Variants in TRIM33 observed in about 807,000 individuals in gnomAD.
The protein encoded by TRIM33 is E3 ubiquitin-protein ligase TRIM33.
TRIM33 carries 20 observed loss-of-function variants against 125.4 expected under a neutral mutation model. The ratio of observed to expected loss-of-function variants is 0.16; its 90% confidence interval spans 0.11 to 0.23. The LOEUF (loss-of-function observed/expected upper bound fraction) is 0.23. Ranked by LOEUF, TRIM33 falls within the 10% of genes least tolerant of loss-of-function variation. The pLI is 1.00. For synonymous variants in TRIM33, 564 were observed against 513.9 expected, an observed-to-expected ratio of 1.10 and a Z score of -1.32; for missense variants, 920 against 1,411.4, an observed-to-expected ratio of 0.65 and a Z score of 5.58.
At chr1:114,413,627 G>GTAA (rs1396177644) in intron 11 of TRIM33, among the ~76,000 whole-genome samples, 1 of 39,432 alleles carries the variant, frequency 2.5e-5, no homozygotes, top group Non-Finnish European at 4.8e-5. Flanking sequence ...AAGCAAAACT[G>GTAA]TAAAAAAAAA....
At chr1:114,480,478 A>C (rs1428461322) in intron 1 of TRIM33, among the ~76,000 whole-genome samples, 1 of 60,530 alleles carries the variant, frequency 1.7e-5, no homozygotes, top group Non-Finnish European at 3.4e-5. Flanking sequence ...GATCAATTTA[A>C]AAAAAAAAAA....
chr1:114,468,109 G>A (rs1340435174), intron 1 of TRIM33, among the ~76,000 whole-genome samples: 1 of 152,194 alleles, frequency 6.6e-6, no homozygotes, highest in Non-Finnish European at 1.5e-5. Context: ...TCAAACTGGA[G>A]AAGTATAACC....
intron 11 of TRIM33, among the ~76,000 whole-genome samples, chr1:114,411,524 G>C (rs1652587660): frequency 6.6e-6 from 1 of 152,046 alleles, no homozygotes; most frequent in African/African-American, 2.4e-5. Flanking sequence ...TTATGAGGGG[G>C]GAGTACCTAA....
At chr1:114,489,030 A>G (rs78566443) in intron 1 of TRIM33, among the ~76,000 whole-genome samples, 4,014 of 152,276 alleles carry the variant, frequency 0.026, 93 homozygotes, top group Non-Finnish European at 0.034. Flanking sequence ...AGCCTGGGTG[A>G]CAGAGTGAGA....
chr1:114,448,323 T>C (rs1213840286), intron 4 of TRIM33, among the ~76,000 whole-genome samples: 1 of 152,214 alleles, frequency 6.6e-6, no homozygotes, highest in Non-Finnish European at 1.5e-5. Flanking sequence ...TCTCTTTTGA[T>C]AGCTTCAATT....
At chr1:114,429,647 T>C (rs943199882) in intron 6 of TRIM33, among the ~76,000 whole-genome samples, 2 of 151,738 alleles carry the variant, frequency 1.3e-5, no homozygotes, top group Non-Finnish European at 2.9e-5. Flanking sequence ...AAAAAAACTA[T>C]TGACAATTTG....
chr1:114,422,947 G>A lies in TRIM33; in HGVS notation c.1861-1311C>T, dbSNP rs568671248. Among the ~76,000 whole-genome samples, 4 of 151,854 alleles carry A rather than the reference G, an allele frequency of 2.6e-5. No individual in the cohort carries two copies. The South Asian group carries it at 6.2e-4, about 24-fold the overall frequency. ...TTTGTAATTTGTAAATTTTGTAAAC[G>A]TTTCCTAAGCATTACATAAAAACAA... On this transcript the variant is annotated intron_variant, in intron 10 of 19. Coordinates refer to ENST00000358465, the MANE Select transcript of TRIM33 (RefSeq NM_015906.4).
rs539176859 is a variant in TRIM33, at chr1:114,501,695, A to G, written c.526+8856T>C. ...TCAGAATAAATCTTCAACCTACATC[A>G]TCAACAAAGGATCAGTATACAGAAT... On this transcript the variant is annotated intron_variant, in intron 1 of 19. Transcript: ENST00000358465. 5.9e-5 allele frequency among the ~76,000 whole-genome samples: 9 copies of G among 152,352 alleles called. No homozygotes were observed. The South Asian group carries it at 1.9e-3, about 32-fold the overall frequency.
intron 11 of TRIM33, among the ~76,000 whole-genome samples, chr1:114,414,448 T>C (rs1343371436): frequency 4.6e-5 from 7 of 152,322 alleles, no homozygotes; most frequent in Non-Finnish European, 8.8e-5. Context: ...TTTCTGTTCT[T>C]CAAAAGTGCC....
At chr1:114,486,314 TAGAAA>T (rs1049413088) in intron 1 of TRIM33, among the ~76,000 whole-genome samples, 75 of 144,708 alleles carry the variant, frequency 5.2e-4, no homozygotes, top group Non-Finnish European at 9.6e-4. Flanking sequence ...AAATGGAAAA[TAGAAA>T]AGAAATGAAA....
chr1:114,469,158 C>G (rs977630391), intron 1 of TRIM33: 7 of 181,202 alleles, frequency 3.9e-5, no homozygotes, highest in Non-Finnish European at 8.1e-5. Context: ...GGACACACAC[C>G]TGCAGAAGAG....
At position 114,511,104 on chromosome 1, in the gene TRIM33, CCCCGCGCCGCCCGCCG is replaced by C. The variant is rs999542685; in HGVS notation, c.-44_-29del. 2.6e-5 allele frequency: 30 copies of C among 1,147,944 alleles called. No homozygotes were observed. Among genetic ancestry groups the C allele is most frequent in the Admixed American group, 1.4e-4 (3 of 20,738 alleles). 71.1% of individuals were successfully genotyped at this position (1,147,944 alleles called of 1,614,324 possible). A position where few individuals can be genotyped will look rare whatever the true frequency, so the allele number is the denominator to read the frequency against. ...TTTCCTCTTTGAACCCGCCGGACCG[CCCCGCGCCGCCCGCCG>C]CCCGCGTCGCCGCCGCCGCCGCCCC... On this transcript the variant is annotated 5_prime_UTR_variant, in exon 1 of 20. Transcript: ENST00000358465.
At chr1:114,509,820 T>C (rs2101593911) in intron 1 of TRIM33, among the ~76,000 whole-genome samples, 1 of 152,350 alleles carries the variant, frequency 6.6e-6, no homozygotes, top group East Asian at 1.9e-4. Context: ...CATTGAGTAC[T>C]TTATTCAATC....
At chr1:114,408,859 C>G in intron 12 of TRIM33, 119 bp from the exon 13 acceptor site, 1 of 679,556 alleles carries the variant, frequency 1.5e-6, no homozygotes, top group Non-Finnish European at 2.5e-6. Flanking sequence ...GAAATCAGAC[C>G]TAGTCACAAA....
intron 11 of TRIM33, chr1:114,420,491 A>G (rs7512590): frequency 0.032 from 33,961 of 1,072,198 alleles, 678 homozygotes; most frequent in Non-Finnish European, 0.035. Context: ...GCCTTTTAGC[A>G]AAAGTGATAT....
At chr1:114,489,288 TAACTC>T (rs1227999238) in intron 1 of TRIM33, among the ~76,000 whole-genome samples, 2 of 152,162 alleles carry the variant, frequency 1.3e-5, no homozygotes, top group Non-Finnish European at 2.9e-5. Flanking sequence ...ATACAAAAAT[TAACTC>T]AACTTTATCA....
chr1:114,476,164 T>C (rs1214257335), intron 1 of TRIM33, among the ~76,000 whole-genome samples: 2 of 151,970 alleles, frequency 1.3e-5, no homozygotes, highest in African/African-American at 2.4e-5. Context: ...TTTTTGGGTA[T>C]GTCTGTGTAA....
At chr1:114,444,222 G>A (rs143132292) in intron 4 of TRIM33, among the ~76,000 whole-genome samples, 1 of 152,166 alleles carries the variant, frequency 6.6e-6, no homozygotes, top group Non-Finnish European at 1.5e-5. Flanking sequence ...TGAGAATGGG[G>A]AACAGAGGGT....
At chr1:114,483,024 T>C (rs955164576) in intron 1 of TRIM33, among the ~76,000 whole-genome samples, 3 of 152,148 alleles carry the variant, frequency 2.0e-5, no homozygotes, top group Non-Finnish European at 2.9e-5. Flanking sequence ...TCAAATTCTT[T>C]AAAAATACAA....
Sources: gnomAD v4.1 joint callset for allele counts (sites outside exome capture counted in the v4.1 genomes callset) on GRCh38, gnomAD v4.1.1 for gene constraint, MANE v1.5 for transcripts, NCBI Gene and HGNC (gene_info 2026-07-23, HGNC 2026-07-21) for gene names.